The following ASNS variants were observed in gnomAD, a reference collection of about 807,000 sequenced individuals.
ASNS encodes asparagine synthetase (glutamine-hydrolyzing).
A neutral mutation model predicts 62.6 loss-of-function variants in ASNS; 37 were observed. The observed-to-expected ratio is 0.59, with a 90% CI of 0.45 to 0.78. The LOEUF (loss-of-function observed/expected upper bound fraction) is 0.78. Among genes scored for constraint, ASNS ranks in the 30% least tolerant of loss-of-function variants. The probability of loss-of-function intolerance (pLI) is 0.00; values close to 1 mark genes in which losing one functional copy is unlikely to be tolerated. For missense variants in ASNS, 520 were observed against 682.4 expected (o/e 0.76, Z 2.65); for synonymous variants, 207 against 237.9 (o/e 0.87, Z 1.19).
At chr7:97,864,216 A>C in intron 4 of ASNS, 43 bp downstream of exon 4, 14 of 1,527,040 alleles carry the variant, frequency 9.2e-6, no homozygotes, top group Non-Finnish European at 1.2e-5. Context: ...GAAAACGTAC[A>C]ACCAAGACAA....
At chr7:97,884,717 A>G in the ASNS span, among the ~76,000 whole-genome samples, 1 of 152,214 alleles carries the variant, frequency 6.6e-6, no homozygotes, top group Non-Finnish European at 1.5e-5. Flanking sequence ...CTTTTTTAAT[A>G]TAACTATTAA....
At position 97,869,011 on chromosome 7, in the gene ASNS, C is replaced by T. The variant is rs769236847; in HGVS notation, c.146G>A (p.Arg49Gln). 13 of 1,614,064 alleles carry T rather than the reference C, an allele frequency of 8.1e-6. No homozygotes were observed. Among genetic ancestry groups the T allele is most frequent in the African/African-American group, 5.3e-5 (4 of 74,924 alleles). Reference sequence around the variant, plus strand: ...AAACAGCGGGTCAACTACCGCCAACCGGTGAAATCCAAAGCAGCAGTTGGT... The same window carrying T: ...AAACAGCGGGTCAACTACCGCCAACTGGTGAAATCCAAAGCAGCAGTTGGT... ...GYTNCCFGFH[R>Q]LAVVDPLFGM... Residue 49 changes from arginine to glutamine, a missense_variant, in exon 3 of 13, where the codon CGG (arginine) becomes CAG (glutamine). Arg to Gln is a conservative substitution (Grantham distance 43). Transcript: ENST00000394308.
the ASNS span, among the ~76,000 whole-genome samples, chr7:97,878,613 A>ACTACAAAC: frequency 6.6e-6 from 1 of 152,206 alleles, no homozygotes; most frequent in East Asian, 1.9e-4. Context: ...TTCAAGGAAA[A>ACTACAAAC]CTACAAACCA....
the ASNS span, among the ~76,000 whole-genome samples, chr7:97,899,833 C>A: frequency 6.6e-6 from 1 of 152,172 alleles, no homozygotes; most frequent in Non-Finnish European, 1.5e-5. Context: ...TTTGGATTAA[C>A]TCTCTCTTTG....
At chr7:97,909,310 T>C in the ASNS span, among the ~76,000 whole-genome samples, 1 of 138,342 alleles carries the variant, frequency 7.2e-6, no homozygotes, top group African/African-American at 2.7e-5. Flanking sequence ...TTTTTTTTTT[T>C]TTTTTTTTTT....
chr7:97,858,814 C>A, intron 6 of ASNS, 40 bp downstream of exon 6: 2 of 1,527,428 alleles, frequency 1.3e-6, no homozygotes, highest in Admixed American at 1.9e-5. Context: ...TTCAATTAAA[C>A]ACACATGAAA....
the ASNS span, among the ~76,000 whole-genome samples, chr7:97,900,359 T>TAAAAAAAAA: frequency 6.9e-5 from 4 of 58,382 alleles, no homozygotes; most frequent in African/African-American, 1.3e-4. Context: ...AGACTTTGTC[T>TAAAAAAAAA]CAAAAAAAAA....
chr7:97,857,089 T>C (rs1011276866), intron 7 of ASNS, among the ~76,000 whole-genome samples: 3 of 152,200 alleles, frequency 2.0e-5, no homozygotes, highest in African/African-American at 7.2e-5. Context: ...CCTCCCTCTC[T>C]ACCTATTTTA....
At chr7:97,880,060 T>C in the ASNS span, among the ~76,000 whole-genome samples, 1 of 152,090 alleles carries the variant, frequency 6.6e-6, no homozygotes, top group Non-Finnish European at 1.5e-5. Flanking sequence ...CCAAATGTAT[T>C]TCTGACAAAT....
At chr7:97,926,156 C>T in the ASNS span, among the ~76,000 whole-genome samples, 7 of 151,426 alleles carry the variant, frequency 4.6e-5, no homozygotes, top group Non-Finnish European at 8.8e-5. Context: ...TAGCCAACAC[C>T]GAATAAAGCA....
intron 11 of ASNS, 38 bp from the exon 12 acceptor site, chr7:97,853,253 C>G: frequency 6.2e-7 from 1 of 1,607,370 alleles, no homozygotes. Context: ...GTAAAAATTA[C>G]AAATATAATC....
the ASNS span, among the ~76,000 whole-genome samples, chr7:97,912,116 T>C: frequency 6.6e-6 from 1 of 152,162 alleles, no homozygotes; most frequent in Non-Finnish European, 1.5e-5. Context: ...TTTAGCGCAA[T>C]GCAGCCTATT....
At chr7:97,910,200 G>A in the ASNS span, among the ~76,000 whole-genome samples, 1 of 152,194 alleles carries the variant, frequency 6.6e-6, no homozygotes, top group South Asian at 2.1e-4. Context: ...CTAGGTCCTA[G>A]CTGAGCCCCT....
At chr7:97,870,298 G>T (rs144449916) in intron 1 of ASNS, 2 of 545,430 alleles carry the variant, frequency 3.7e-6, no homozygotes, top group South Asian at 2.8e-5. Context: ...CCAAAAACAA[G>T]ATGTTTTAAT....
the ASNS span, among the ~76,000 whole-genome samples, chr7:97,899,377 C>T: frequency 6.6e-6 from 1 of 152,314 alleles, no homozygotes; most frequent in Non-Finnish European, 1.5e-5. Context: ...CCCACCACAG[C>T]CTCCCAAAGC....
At chr7:97,901,257 G>A in the ASNS span, among the ~76,000 whole-genome samples, 2 of 152,122 alleles carry the variant, frequency 1.3e-5, no homozygotes, top group African/African-American at 2.4e-5. Flanking sequence ...ATGCAGCGAT[G>A]TGATCTCAGC....
chr7:97,868,893 T>TA lies in ASNS; in HGVS notation c.249+14_249+15insT. ...AGTTTAATCGCATCCAGACATCTGG[T>TA]TTCTTTCTCCTCACCTTCTTATGGT... On this transcript the variant is annotated intron_variant, in intron 3 of 12. Transcript: ENST00000394308. 6.2e-7 allele frequency: 1 copy of TA among 1,612,042 alleles called. No individual in the cohort carries two copies. The highest frequency in any genetic ancestry group is 1.1e-5 in the South Asian group (1 of 91,046).
the ASNS span, among the ~76,000 whole-genome samples, chr7:97,879,606 A>T: frequency 2.0e-5 from 3 of 152,154 alleles, no homozygotes; most frequent in South Asian, 6.2e-4. Context: ...GGGCCCTGAG[A>T]CCAGCAGCCT....
Position 97,853,180 on chromosome 7 carries a change from A to C in ASNS, c.1356T>G (p.Phe452Leu), listed in dbSNP as rs769716200. ...GIEKHLLRET[F>L]EDSNLIPKEI... ...CTTTGGGTATCAGATTGGAATCCTC[A>C]AACGTCTCTCTCAGGAGATGTTTTT... The change falls in exon 12 of 13, where the codon TTT becomes TTG. Residue 452 changes from phenylalanine (F) to leucine (L), a missense_variant. Physicochemically the swap from Phe to Leu is conservative, Grantham distance 22 (BLOSUM62 0). Coordinates refer to ENST00000394308, the MANE Select transcript of ASNS (RefSeq NM_001673.5). 2 of 1,610,436 alleles carry C rather than the reference A, an allele frequency of 1.2e-6. No individual in the cohort carries two copies. Among genetic ancestry groups the C allele is most frequent in the South Asian group, 2.2e-5 (2 of 90,150 alleles).
Sources: gnomAD v4.1 joint callset for allele counts (sites outside exome capture counted in the v4.1 genomes callset) on GRCh38, gnomAD v4.1.1 for gene constraint, MANE v1.5 for transcripts, NCBI Gene and HGNC (gene_info 2026-07-23, HGNC 2026-07-21) for gene names.